Variants in DMXL2 observed in about 807,000 individuals in gnomAD.
DMXL2 encodes Dmx like 2, also known as dmX-like protein 2.
Under a neutral mutation model 331.1 loss-of-function variants are expected in DMXL2, and 103 were observed. The ratio of observed to expected loss-of-function variants is 0.31; its 90% CI spans 0.27 to 0.37. DMXL2 has a LOEUF of 0.37. Among genes scored for constraint, DMXL2 ranks in the 10% least tolerant of loss-of-function variants. DMXL2 has a pLI of 1.00. For missense variants in DMXL2, 3,171 were observed against 3,642.9 expected (o/e 0.87, Z 3.33); for synonymous variants, 1,281 against 1,252.1 (o/e 1.02, Z -0.49).
At chr15:51,596,415 G>C (rs1368350718) in intron 1 of DMXL2, among the ~76,000 whole-genome samples, 2 of 152,178 alleles carry the variant, frequency 1.3e-5, no homozygotes, top group African/African-American at 4.8e-5. Flanking sequence ...AAAAAGTCAG[G>C]AAACAACAGG....
chr15:51,599,128 G>C (rs899957162), intron 1 of DMXL2, among the ~76,000 whole-genome samples: 4 of 152,244 alleles, frequency 2.6e-5, no homozygotes, highest in Non-Finnish European at 4.4e-5. Context: ...CCCAGATTTG[G>C]CCAGTGGAAG....
chr15:51,575,764 C>T (rs1056726661), intron 2 of DMXL2, among the ~76,000 whole-genome samples: 10 of 152,082 alleles, frequency 6.6e-5, no homozygotes, highest in Middle Eastern at 3.2e-3. Flanking sequence ...CTTCCCCTTA[C>T]TGGCTTAATG....
intron 15 of DMXL2, among the ~76,000 whole-genome samples, chr15:51,511,851 T>C (rs570350820): frequency 1.0e-3 from 156 of 152,310 alleles, no homozygotes; most frequent in Admixed American, 2.3e-3. Flanking sequence ...CATGGAATAC[T>C]ATGCAGCCAT....
rs1169081077 is a variant in DMXL2 at position 51,480,110 on chromosome 15, T to C, written c.6594A>G (p.Pro2198=). The C allele has an allele frequency of 6.4e-7, 1 of 1,574,632 alleles. No individual in the cohort carries two copies. The highest frequency in any genetic ancestry group is 8.7e-7 in the Non-Finnish European group (1 of 1,152,418). ...QETTVKQLQS[P]LPLPTTLPLL... is the part of the protein sequence containing the mutation. ...GAGGTAGGGTGGTAGGCAGTGGTAGTGGAGACTGGAGCTGCTTTACTGTAG... is the reference window on the plus strand; with the variant it reads ...GAGGTAGGGTGGTAGGCAGTGGTAGCGGAGACTGGAGCTGCTTTACTGTAG... Residue 2198 remains proline (P), a synonymous_variant, in exon 25 of 44, where the codon CCA becomes CCG. Transcript: ENST00000560891.
At position 51,565,127 on chromosome 15, in the gene DMXL2, A is replaced by G. The variant is rs2050188798; in HGVS notation, c.325T>C (p.Leu109=). The G allele has an allele frequency of 6.3e-7, 1 of 1,586,518 alleles. No homozygotes were observed. Among genetic ancestry groups the G allele is most frequent in the Non-Finnish European group, 8.6e-7 (1 of 1,168,374 alleles). Residue 109 remains leucine (L), a synonymous_variant, in exon 4 of 44, where the codon TTG becomes CTG. Transcript: ENST00000560891. The stretch of plus-strand genomic sequence containing the variant: ...GCTAAGTTGTATGTCACAGAACTCA[A>G]AAAAAACTGCCCAGTTTTAAGCCAC... ...CQWLKTGQFF[L]SSVTYNLAWD...
intron 21 of DMXL2, 61 bp from the exon 22 acceptor site, chr15:51,488,180 A>G: frequency 7.2e-7 from 1 of 1,385,602 alleles, no homozygotes; most frequent in South Asian, 1.6e-5. Flanking sequence ...TACAGAATGT[A>G]TAATAATATA....
chr15:51,501,239 C>T (rs1423494387), intron 17 of DMXL2, among the ~76,000 whole-genome samples: 1 of 152,148 alleles, frequency 6.6e-6, no homozygotes, highest in African/African-American at 2.4e-5. Context: ...AACACCTATA[C>T]TGAATATCAT....
Position 51,480,886 on chromosome 15 carries a change from A to G in DMXL2, c.6220T>C (p.Tyr2074His). 2 of 1,612,966 alleles carry G rather than the reference A, an allele frequency of 1.2e-6. No homozygotes were observed. ...GCAATTTCCTTTTCAAGCCAGTTAT[A>G]GAGTTGAAATCTGAGTTTTCCTCCA... Reference protein sequence around the residue: ...VDGGKLRFQLYNWLEKEIAAL... With the variant: ...VDGGKLRFQLHNWLEKEIAAL... The change falls in exon 24 of 44, where the codon TAT becomes CAT. Residue 2074 changes from tyrosine to histidine, a missense_variant. By Grantham distance (83) the Tyr-to-His change is moderately conservative. Coordinates refer to ENST00000560891, the MANE Select transcript of DMXL2 (RefSeq NM_001378457.1).
intron 1 of DMXL2, among the ~76,000 whole-genome samples, chr15:51,618,185 T>G: frequency 6.6e-6 from 1 of 152,192 alleles, no homozygotes; most frequent in East Asian, 1.9e-4. Context: ...AATTCCCACT[T>G]AAATGCTGGT....
chr15:51,528,305 T>G (rs1017934212), intron 13 of DMXL2, among the ~76,000 whole-genome samples: 1 of 151,876 alleles, frequency 6.6e-6, no homozygotes, highest in African/African-American at 2.4e-5. Flanking sequence ...GTAAACAAAA[T>G]TCAATAATCT....
intron 13 of DMXL2, among the ~76,000 whole-genome samples, chr15:51,532,039 G>A (rs890702077): frequency 2.4e-4 from 37 of 151,968 alleles, no homozygotes; most frequent in African/African-American, 8.5e-4. Flanking sequence ...CCAAAAGAAC[G>A]AAAATTGGTA....
chr15:51,583,115 T>A (rs978508362), intron 1 of DMXL2, among the ~76,000 whole-genome samples: 1 of 40,320 alleles, frequency 2.5e-5, no homozygotes, highest in Non-Finnish European at 6.4e-5. Context: ...TCTTTTTTTT[T>A]TTTTTCTTTT....
At chr15:51,450,880 C>G (rs547390120) in intron 42 of DMXL2, among the ~76,000 whole-genome samples, 1 of 152,188 alleles carries the variant, frequency 6.6e-6, no homozygotes, top group South Asian at 2.1e-4. Flanking sequence ...TTGCAGAATT[C>G]TGCAATAAAA....
At chr15:51,569,969 G>C (rs2050553137) in intron 2 of DMXL2, among the ~76,000 whole-genome samples, 1 of 152,092 alleles carries the variant, frequency 6.6e-6, no homozygotes, top group Non-Finnish European at 1.5e-5. Context: ...GTAGGCTTCA[G>C]AAGGTGGGTA....
chr15:51,487,402 A>AT (rs1041093771), intron 22 of DMXL2, among the ~76,000 whole-genome samples: 1 of 148,606 alleles, frequency 6.7e-6, no homozygotes, highest in Non-Finnish European at 1.5e-5. Flanking sequence ...ATTTTTCAGC[A>AT]TTTTTTTCAT....
At chr15:51,609,597 G>A (rs2053821289) in intron 1 of DMXL2, among the ~76,000 whole-genome samples, 1 of 152,162 alleles carries the variant, frequency 6.6e-6, no homozygotes. Context: ...GGAGCAACAG[G>A]CTATACCATA....
chr15:51,492,332 C>T (rs1003944822), intron 19 of DMXL2, among the ~76,000 whole-genome samples: 30 of 152,252 alleles, frequency 2.0e-4, no homozygotes, highest in Admixed American at 1.0e-3. Flanking sequence ...AGCTAAATAT[C>T]ACTTCAAAGC....
intron 1 of DMXL2, among the ~76,000 whole-genome samples, chr15:51,609,615 G>A (rs1005035162): frequency 1.3e-5 from 2 of 152,178 alleles, no homozygotes; most frequent in African/African-American, 4.8e-5. Flanking sequence ...ATATAGCCTA[G>A]ATATGTTCTA....
chr15:51,491,812 C>G, intron 19 of DMXL2, 65 bp from the exon 20 acceptor site: 2 of 1,363,076 alleles, frequency 1.5e-6, no homozygotes, highest in South Asian at 1.4e-5. Flanking sequence ...AACAATTTTT[C>G]ATGCAGTCAC....
Sources: gnomAD v4.1 joint callset for allele counts (sites outside exome capture counted in the v4.1 genomes callset) on GRCh38, gnomAD v4.1.1 for gene constraint, MANE v1.5 for transcripts, NCBI Gene and HGNC (gene_info 2026-07-23, HGNC 2026-07-21) for gene names.